Variants in DAB2IP observed in about 807,000 individuals in gnomAD.
DAB2IP encodes the protein disabled homolog 2-interacting protein.
A neutral mutation model predicts 107.2 loss-of-function variants in DAB2IP; 28 were observed. That is an observed-to-expected ratio of 0.26 (90% CI 0.19 to 0.36). DAB2IP has a LOEUF of 0.36. DAB2IP is among the 10% of genes least tolerant of loss of function. The probability of loss-of-function intolerance (pLI) is 1.00; values close to 1 mark genes in which losing one functional copy is unlikely to be tolerated. For synonymous variants in DAB2IP, 755 were observed against 706.4 expected (o/e 1.07, Z -1.09); for missense variants, 1,400 against 1,644.7 (o/e 0.85, Z 2.57).
At chr9:121,730,529 G>A (rs1423707608) in intron 3 of DAB2IP, among the ~76,000 whole-genome samples, 4 of 152,210 alleles carry the variant, frequency 2.6e-5, no homozygotes, top group Admixed American at 2.6e-4. Context: ...CAGGGGCAGG[G>A]TCCCTGGGCC....
At chr9:121,652,531 G>C (rs1359144800) in intron 1 of DAB2IP, among the ~76,000 whole-genome samples, 2 of 152,122 alleles carry the variant, frequency 1.3e-5, no homozygotes. Flanking sequence ...GGTGGTGGCC[G>C]GGACTTCCTT....
rs933215790 is a variant in DAB2IP, at chr9:121,662,685, G to T, written c.124+10786G>T. Among the ~76,000 whole-genome samples, 1 of 152,178 alleles carries T rather than the reference G, an allele frequency of 6.6e-6. No homozygotes were observed. The highest frequency in any genetic ancestry group is 2.4e-5 in the African/African-American group (1 of 41,452). On this transcript the variant is annotated intron_variant, in intron 1 of 15. Coordinates refer to ENST00000408936, the Ensembl canonical transcript of DAB2IP. The surrounding 1 kb of genome is among the most constrained non-coding windows in gnomAD (Gnocchi z 4.6). The stretch of plus-strand genomic sequence containing the variant: ...CTCCAGGCATAACTGGCCACCTAAA[G>T]GTGGTGGGTATCCTGCCTACATGTG...
At chr9:121,764,044 A>C (rs1020891631) in intron 8 of DAB2IP, among the ~76,000 whole-genome samples, 165 bp downstream of exon 8, 1 of 152,122 alleles carries the variant, frequency 6.6e-6, no homozygotes, top group Admixed American at 6.5e-5. Flanking sequence ...AGCGTTCAGC[A>C]TGTTGCTGTG....
intron 1 of DAB2IP, among the ~76,000 whole-genome samples, chr9:121,613,217 G>A (rs2118979443): frequency 6.6e-6 from 1 of 152,284 alleles, no homozygotes; most frequent in South Asian, 2.1e-4. Context: ...GCACAGAGCT[G>A]GCATGAAGTA....
intron 6 of DAB2IP, among the ~76,000 whole-genome samples, chr9:121,762,473 C>T (rs951937624): frequency 2.6e-5 from 4 of 152,296 alleles, no homozygotes; most frequent in Non-Finnish European, 4.4e-5. Flanking sequence ...ACATGATCCC[C>T]AGGAAGCCAA....
intron 1 of DAB2IP, among the ~76,000 whole-genome samples, chr9:121,643,527 C>T (rs1340430440): frequency 6.6e-6 from 1 of 152,062 alleles, no homozygotes; most frequent in Non-Finnish European, 1.5e-5. Context: ...TCTGCTCCAG[C>T]CTCACCATCC....
intron 1 of DAB2IP, among the ~76,000 whole-genome samples, chr9:121,579,684 T>G (rs143304941): frequency 2.0e-5 from 3 of 152,286 alleles, no homozygotes; most frequent in African/African-American, 7.2e-5. Flanking sequence ...TATGGCCTTG[T>G]CCATCGATCT....
chr9:121,727,784 C>G (rs978575801), intron 3 of DAB2IP, among the ~76,000 whole-genome samples: 1 of 152,208 alleles, frequency 6.6e-6, no homozygotes, highest in African/African-American at 2.4e-5. Context: ...CTGCTTGCCT[C>G]TCTCTTGGGC....
At chr9:121,628,202 T>G (rs1831739179) in intron 1 of DAB2IP, among the ~76,000 whole-genome samples, 1 of 152,186 alleles carries the variant, frequency 6.6e-6, no homozygotes, top group East Asian at 1.9e-4. Flanking sequence ...TGGAGCTGAG[T>G]GGAGATGCTG....
chr9:121,606,761 C>G (rs566534159), intron 1 of DAB2IP, among the ~76,000 whole-genome samples: 1 of 150,984 alleles, frequency 6.6e-6, no homozygotes, highest in Admixed American at 6.6e-5. Context: ...AGAATGGCAG[C>G]GTTCTTTGTT....
intron 14 of DAB2IP, among the ~76,000 whole-genome samples, chr9:121,778,077 C>T (rs935724433): frequency 1.1e-4 from 17 of 152,274 alleles, no homozygotes; most frequent in Middle Eastern, 3.4e-3. Flanking sequence ...ATATGTATTG[C>T]CCTCAGTTCT....
At chr9:121,612,242 C>T (rs1402746242) in intron 1 of DAB2IP, among the ~76,000 whole-genome samples, 4 of 151,916 alleles carry the variant, frequency 2.6e-5, no homozygotes, top group Admixed American at 6.6e-5. Context: ...CGCTTAAGTC[C>T]GGGAGGAGGT....
At chr9:121,654,282 G>C (rs530218297) in intron 1 of DAB2IP, among the ~76,000 whole-genome samples, 1 of 152,168 alleles carries the variant, frequency 6.6e-6, no homozygotes, top group African/African-American at 2.4e-5. Flanking sequence ...ATTGGGAAGG[G>C]GGCTGGGTGA....
chr9:121,626,424 CTTTT>C (rs59085032), intron 1 of DAB2IP, among the ~76,000 whole-genome samples: 3 of 114,512 alleles, frequency 2.6e-5, no homozygotes. Context: ...GACGAGAAAC[CTTTT>C]TTTTTTTTTT....
chr9:121,724,427 C>G (rs1023367882), intron 3 of DAB2IP, among the ~76,000 whole-genome samples: 1 of 152,198 alleles, frequency 6.6e-6, no homozygotes, highest in African/African-American at 2.4e-5. Flanking sequence ...TCCAACCACC[C>G]GGTCAAACAC....
At chr9:121,660,963 C>T (rs1833175749) in intron 1 of DAB2IP, among the ~76,000 whole-genome samples, 1 of 152,060 alleles carries the variant, frequency 6.6e-6, no homozygotes. Context: ...GGCTGACACC[C>T]ACGAAGGAGA....
chr9:121,645,042 C>G (rs574828043), intron 1 of DAB2IP, among the ~76,000 whole-genome samples: 1 of 152,226 alleles, frequency 6.6e-6, no homozygotes, highest in Non-Finnish European at 1.5e-5. Flanking sequence ...CCATATGCCA[C>G]CCCCTCTGGT....
rs1385433283 is a variant in DAB2IP, at chr9:121,699,133, CGCGGGCCGGGCCGTCGGCGCTCGGTCG to C, written c.229-185_229-159del. ...GGGCGGGGTGGGCTGGGCCGCGCTGCGCGGGCCGGGCCGTCGGCGCTCGGTCGGCGGGCGGGCGGCGCGGGCCGCGAG... is the reference window on the plus strand; with the variant it reads ...GGGCGGGGTGGGCTGGGCCGCGCTGCGCGGGCGGGCGGCGCGGGCCGCGAG... On this transcript the variant is annotated intron_variant, in intron 2 of 15. Transcript: ENST00000408936. This position sits in a 1 kb window ranked among gnomAD's most constrained non-coding sequence, Gnocchi z 6.2. Among the ~76,000 whole-genome samples, 59 of 145,426 alleles carry C rather than the reference CGCGGGCCGGGCCGTCGGCGCTCGGTCG, an allele frequency of 4.1e-4. No homozygotes were observed. Among genetic ancestry groups the C allele is most frequent in the African/African-American group, 1.5e-3 (59 of 40,654 alleles).
intron 1 of DAB2IP, among the ~76,000 whole-genome samples, chr9:121,664,919 C>A (rs966233349): frequency 1.3e-5 from 2 of 152,180 alleles, no homozygotes; most frequent in East Asian, 3.8e-4. Context: ...AACCTCATGT[C>A]CCCTACAGGA....
Sources: allele counts gnomAD v4.1 joint callset (sites outside exome capture counted in the v4.1 genomes callset), GRCh38; gene constraint gnomAD v4.1.1; non-coding constraint Gnocchi (gnomAD v3.1); transcripts MANE v1.5; gene names NCBI Gene and HGNC (gene_info 2026-07-23, HGNC 2026-07-21).